The following PSD2 variants were observed in gnomAD, a reference collection of about 807,000 sequenced individuals.
The protein encoded by PSD2 is PH and SEC7 domain-containing protein 2.
A neutral mutation model predicts 69.8 loss-of-function variants in PSD2; 38 were observed. That is an observed-to-expected ratio of 0.54 (90% CI 0.42 to 0.71). PSD2 has a LOEUF of 0.71. Among genes scored for constraint, PSD2 ranks in the 30% least tolerant of loss-of-function variants. The pLI is 0.00. For missense variants in PSD2, 943 were observed against 1,014.5 expected (o/e 0.93, Z 0.96); for synonymous variants, 412 against 423.0 (o/e 0.97, Z 0.32).
the PSD2 span, among the ~76,000 whole-genome samples, chr5:139,751,155 T>C: frequency 1.3e-5 from 2 of 152,110 alleles, 1 homozygote; most frequent in Admixed American, 1.3e-4. Context: ...GCTCTGGGTA[T>C]GAATGAAGAT....
intron 4 of PSD2, among the ~76,000 whole-genome samples, chr5:139,817,210 C>T (rs1473937248): frequency 1.3e-5 from 2 of 152,188 alleles, no homozygotes; most frequent in Non-Finnish European, 2.9e-5. Flanking sequence ...CAGTTTCCTC[C>T]CTGGGGACAC....
the PSD2 span, among the ~76,000 whole-genome samples, chr5:139,785,232 TC>T: frequency 2.1e-5 from 3 of 142,680 alleles, no homozygotes; most frequent in African/African-American, 5.5e-5. Context: ...CTCCCTTCCT[TC>T]CTTTTTTTTT....
At chr5:139,789,198 C>T in the PSD2 span, among the ~76,000 whole-genome samples, 1 of 152,230 alleles carries the variant, frequency 6.6e-6, no homozygotes, top group Non-Finnish European at 1.5e-5. Context: ...TGGATACCAA[C>T]TTCATCCAGG....
In PSD2 at chr5:139,840,120, T is replaced by A; in HGVS notation, c.2062T>A (p.Ser688Thr). The change falls in exon 14 of 15, where the codon TCC (serine) becomes ACC (threonine). Residue 688 changes from serine (S) to threonine (T), a missense_variant. Physicochemically the swap from Ser to Thr is moderately conservative, Grantham distance 58 (BLOSUM62 1). Coordinates refer to ENST00000274710, the MANE Select transcript of PSD2 (RefSeq NM_032289.4). ...RCHPVERGIKSKEAEEYRLKE... is the reference protein window; with the variant it reads ...RCHPVERGIKTKEAEEYRLKE... ...TCACCCAGTCGAGAGGGGCATCAAG[T>A]CCAAGGAGGCCGAGGAGTACCGGTT... 6.2e-7 allele frequency: 1 copy of A among 1,614,160 alleles called. No individual in the cohort carries two copies. The highest frequency in any genetic ancestry group is 8.5e-7 in the Non-Finnish European group (1 of 1,180,036).
At chr5:139,827,255 G>T (rs1359224971) in intron 7 of PSD2, among the ~76,000 whole-genome samples, 2 of 152,250 alleles carry the variant, frequency 1.3e-5, no homozygotes, top group Non-Finnish European at 2.9e-5. Context: ...GAAAGGAAAA[G>T]CCATGCCATG....
At chr5:139,751,191 G>GA in the PSD2 span, among the ~76,000 whole-genome samples, 1 of 152,118 alleles carries the variant, frequency 6.6e-6, no homozygotes, top group Non-Finnish European at 1.5e-5. Context: ...CTAGCTCTGG[G>GA]AAAATCTCAG....
intron 2 of PSD2, among the ~76,000 whole-genome samples, chr5:139,811,751 C>T (rs1377482460): frequency 3.3e-5 from 5 of 152,114 alleles, no homozygotes; most frequent in East Asian, 3.9e-4. Context: ...CCCGCCACTA[C>T]GCCCGGCTAA....
chr5:139,766,924 C>CTTTCTTTCTTT, the PSD2 span, among the ~76,000 whole-genome samples: 5 of 33,140 alleles, frequency 1.5e-4, no homozygotes, highest in South Asian at 1.2e-3. Flanking sequence ...TTCCTTCCTT[C>CTTTCTTTCTTT]CTTCCCTTCT....
upstream of PSD2, among the ~76,000 whole-genome samples, chr5:139,794,546 T>C (rs960650044): frequency 1.3e-5 from 2 of 152,176 alleles, no homozygotes; most frequent in Admixed American, 6.5e-5. Flanking sequence ...GAAGACTTCA[T>C]GAAGGAAGGG....
upstream of PSD2, among the ~76,000 whole-genome samples, chr5:139,790,854 C>T (rs1342638244): frequency 6.6e-6 from 1 of 151,966 alleles, no homozygotes; most frequent in Admixed American, 6.6e-5. Context: ...GCCTGGCCAA[C>T]ATGATGAAAC....
chr5:139,823,779 T>C (rs1486576337), intron 7 of PSD2, among the ~76,000 whole-genome samples: 1 of 152,162 alleles, frequency 6.6e-6, no homozygotes, highest in Non-Finnish European at 1.5e-5. Flanking sequence ...AAAAGAACAA[T>C]AGTATTCCTC....
At chr5:139,812,988 A>C (rs1394404204) in intron 2 of PSD2, among the ~76,000 whole-genome samples, 1 of 152,158 alleles carries the variant, frequency 6.6e-6, no homozygotes, top group East Asian at 1.9e-4. Context: ...AGCAGGGCCT[A>C]GGGCAGCCCC....
intron 5 of PSD2, 113 bp downstream of exon 5, chr5:139,817,674 C>T (rs537283609): frequency 1.1e-6 from 1 of 890,224 alleles, no homozygotes; most frequent in African/African-American, 1.7e-5. Flanking sequence ...TCTTTTGACC[C>T]CTGGTGAGGC....
the PSD2 span, among the ~76,000 whole-genome samples, chr5:139,774,781 C>T: frequency 1.3e-5 from 2 of 152,196 alleles, no homozygotes; most frequent in Admixed American, 6.5e-5. Context: ...TGAGCCACTG[C>T]GCCCGGCCCC....
the PSD2 span, among the ~76,000 whole-genome samples, chr5:139,785,728 A>G: frequency 6.6e-6 from 1 of 152,116 alleles, no homozygotes; most frequent in African/African-American, 2.4e-5. Flanking sequence ...GGGACTCAAT[A>G]TATATTTGTT....
intron 7 of PSD2, 58 bp from the exon 8 acceptor site, chr5:139,833,644 G>A (rs1760645713): frequency 6.3e-6 from 8 of 1,262,380 alleles, no homozygotes; most frequent in Non-Finnish European, 9.3e-6. Flanking sequence ...GGCAGGGTGT[G>A]TGGGGAACAC....
At chr5:139,836,712 T>C (rs958779160) in intron 9 of PSD2, 99 bp from the exon 10 acceptor site, 2 of 1,050,094 alleles carry the variant, frequency 1.9e-6, no homozygotes, top group African/African-American at 3.2e-5. Flanking sequence ...TCTTCCTCCA[T>C]GACCCTGGCT....
chr5:139,747,982 C>T, the PSD2 span, among the ~76,000 whole-genome samples: 2,728 of 152,342 alleles, frequency 0.018, 54 homozygotes, highest in South Asian at 0.1. The surrounding 1 kb of genome is among the most constrained non-coding windows in gnomAD (Gnocchi z 6.7). Context: ...AATGCGACGG[C>T]GCAGGGATTT....
intron 1 of PSD2, among the ~76,000 whole-genome samples, chr5:139,808,465 G>C (rs1581714176): frequency 6.6e-6 from 1 of 152,296 alleles, no homozygotes; most frequent in East Asian, 1.9e-4. Context: ...AGAGGGGAGT[G>C]GGGCTGGCCT....
Sources: gnomAD v4.1 joint callset for allele counts (sites outside exome capture counted in the v4.1 genomes callset) on GRCh38, gnomAD v4.1.1 for gene constraint, Gnocchi (gnomAD v3.1) non-coding constraint, MANE v1.5 for transcripts, NCBI Gene and HGNC (gene_info 2026-07-23, HGNC 2026-07-21) for gene names.